Variants in PLS1 observed in about 807,000 individuals in gnomAD.
The protein encoded by PLS1 is plastin 1.
In PLS1, 32 loss-of-function variants were observed where a neutral mutation model predicts 73.7. That is an observed-to-expected ratio of 0.43 (90% CI 0.33 to 0.58). The LOEUF (loss-of-function observed/expected upper bound fraction) is 0.58. PLS1 is among the 20% of genes least tolerant of loss of function. The probability of loss-of-function intolerance (pLI) is 0.04; values close to 1 mark genes in which losing one functional copy is unlikely to be tolerated. For missense variants in PLS1, 633 were observed against 740.5 expected (o/e 0.85, Z 1.68); for synonymous variants, 217 against 261.3 (o/e 0.83, Z 1.63).
chr3:142,609,730 A>G (rs754316389), intron 1 of PLS1, among the ~76,000 whole-genome samples: 3 of 152,228 alleles, frequency 2.0e-5, no homozygotes, highest in Non-Finnish European at 4.4e-5. Context: ...AACATTTGCA[A>G]TAATTTATGT....
Position 142,712,355 on chromosome 3 carries a change from A to C in PLS1, c.*348A>C. 1 of 174,030 alleles carries C rather than the reference A, an allele frequency of 5.7e-6. No homozygotes were observed. Among genetic ancestry groups the C allele is most frequent in the East Asian group, 1.5e-4 (1 of 6,612 alleles). The allele number at this position is 174,030 out of a possible 1,614,324, so 10.8% of individuals were successfully genotyped here. A position where few individuals can be genotyped will look rare whatever the true frequency, so the allele number is the denominator to read the frequency against. On this transcript the variant is annotated 3_prime_UTR_variant, in exon 16 of 16. Coordinates refer to ENST00000457734, the MANE Select transcript of PLS1 (RefSeq NM_001145319.2). ...AAACGTTTTTGCAGGTTCTGCTGTG[A>C]AATGTGGTTTGATTTTTTTGGTGTG...
At chr3:142,704,142 GTTGA>G in intron 13 of PLS1, 141 bp downstream of exon 13, 1 of 638,176 alleles carries the variant, frequency 1.6e-6, no homozygotes, top group Non-Finnish European at 2.5e-6. Flanking sequence ...AGGATTTACT[GTTGA>G]TTATGGTTTT....
intron 12 of PLS1, among the ~76,000 whole-genome samples, chr3:142,700,404 G>A (rs1364354260): frequency 6.6e-6 from 1 of 151,916 alleles, no homozygotes; most frequent in Non-Finnish European, 1.5e-5. Context: ...CTAACTGCAA[G>A]CTCTGCCTCC....
Position 142,686,675 on chromosome 3 carries a change from A to G in PLS1, c.981+299A>G, listed in dbSNP as rs966055000. The stretch of plus-strand genomic sequence containing the variant: ...AGTCAAATTTAGAGTACAGTTCTCT[A>G]CAAGCAGCATTCCCCAGTAGAGCCC... On this transcript the variant is annotated intron_variant, in intron 9 of 15. Transcript: ENST00000457734. Among the ~76,000 whole-genome samples the G allele has an allele frequency of 9.9e-5, 15 of 152,148 alleles. No individual in the cohort carries two copies. In the South Asian group the frequency reaches 3.1e-3, roughly 31 times the overall value.
At chr3:142,634,512 GA>G (rs2036634876) in intron 1 of PLS1, among the ~76,000 whole-genome samples, 1 of 152,136 alleles carries the variant, frequency 6.6e-6, no homozygotes, top group African/African-American at 2.4e-5. Context: ...TGTACTTGTG[GA>G]TTTGTCTATT....
At position 142,639,157 on chromosome 3, in the gene PLS1, T is replaced by A. The variant is rs531601338; in HGVS notation, c.-36-25045T>A. ...CATTTAAGGCTGAGCTCAGTTGTCA[T>A]CCCTGTGTGGTAGCAGTACGTTTTC... On this transcript the variant is annotated intron_variant, in intron 1 of 15. Transcript: ENST00000457734. 2.0e-5 allele frequency among the ~76,000 whole-genome samples: 3 copies of A among 152,332 alleles called. No homozygotes were observed. In the South Asian group the frequency reaches 6.2e-4, roughly 32 times the overall value.
intron 1 of PLS1, among the ~76,000 whole-genome samples, chr3:142,642,306 G>A (rs2036859467): frequency 6.6e-6 from 1 of 152,026 alleles, no homozygotes; most frequent in Non-Finnish European, 1.5e-5. Flanking sequence ...CTTTTATTGG[G>A]AGATTTACCA....
chr3:142,651,474 A>C (rs961429952), intron 1 of PLS1, among the ~76,000 whole-genome samples: 7 of 151,298 alleles, frequency 4.6e-5, no homozygotes, highest in South Asian at 2.1e-4. Flanking sequence ...AAAAAAAAAA[A>C]AAAAAAAAAA....
In PLS1 at chr3:142,712,936, A is replaced by T. The variant is rs775536023; in HGVS notation, c.*929A>T. 5.9e-5 allele frequency: 9 copies of T among 152,682 alleles called. No individual in the cohort carries two copies. In the East Asian group the frequency reaches 1.7e-3, roughly 29 times the overall value. The allele number at this position is 152,682 out of a possible 1,614,324, so 9.5% of individuals were successfully genotyped here. The stretch of plus-strand genomic sequence containing the variant: ...ACCCCTTCCAAATACTTGTAGCCAA[A>T]CATTGGCTAGAACATCCCAAGATAT... On this transcript the variant is annotated 3_prime_UTR_variant, in exon 16 of 16. Transcript: ENST00000457734.
intron 1 of PLS1, among the ~76,000 whole-genome samples, chr3:142,612,077 C>T (rs543973764): frequency 3.4e-4 from 51 of 152,138 alleles, no homozygotes; most frequent in Non-Finnish European, 4.4e-4. Flanking sequence ...TTTTTTATTA[C>T]GATGTAAGAA....
chr3:142,640,630 G>A (rs2036810313), intron 1 of PLS1, among the ~76,000 whole-genome samples: 1 of 152,144 alleles, frequency 6.6e-6, no homozygotes, highest in Admixed American at 6.5e-5. Flanking sequence ...TCAGGAAAAG[G>A]GCATGTATAG....
At chr3:142,658,909 A>G (rs751777680) in intron 1 of PLS1, among the ~76,000 whole-genome samples, 1 of 152,306 alleles carries the variant, frequency 6.6e-6, no homozygotes, top group Non-Finnish European at 1.5e-5. Context: ...AGGAATGCTA[A>G]TTGAACTACA....
intron 1 of PLS1, among the ~76,000 whole-genome samples, chr3:142,640,858 A>T (rs1222029139): frequency 6.6e-6 from 1 of 152,088 alleles, no homozygotes; most frequent in African/African-American, 2.4e-5. Context: ...ATATGGGAAT[A>T]GTTAAGTGTG....
chr3:142,709,288 G>A (rs985853680), intron 14 of PLS1, among the ~76,000 whole-genome samples: 1 of 152,110 alleles, frequency 6.6e-6, no homozygotes, highest in Non-Finnish European at 1.5e-5. Flanking sequence ...TCATGTAGGT[G>A]GTCTGCAGAC....
chr3:142,629,480 C>T (rs1288038085), intron 1 of PLS1, among the ~76,000 whole-genome samples: 2 of 152,166 alleles, frequency 1.3e-5, no homozygotes, highest in Non-Finnish European at 2.9e-5. Context: ...GGTTTACAGG[C>T]GTGAGCCACT....
At chr3:142,655,371 A>C (rs1362415346) in intron 1 of PLS1, among the ~76,000 whole-genome samples, 1 of 152,176 alleles carries the variant, frequency 6.6e-6, no homozygotes, top group Non-Finnish European at 1.5e-5. Flanking sequence ...TCCCAATGTT[A>C]AAATAACAGT....
At position 142,664,306 on chromosome 3, in the gene PLS1, A is replaced by C. The variant is rs767129680; in HGVS notation, c.69A>C (p.Ile23=). 3 of 1,523,590 alleles carry C rather than the reference A, an allele frequency of 2.0e-6. No homozygotes were observed. In the East Asian group the frequency reaches 6.8e-5, roughly 34 times the overall value. 94.4% of individuals were successfully genotyped at this position (1,523,590 alleles called of 1,614,324 possible). A position where few individuals can be genotyped will look rare whatever the true frequency, so the allele number is the denominator to read the frequency against. ...LEELQEAFNK[I]DIDNSGYVSD... ...AACTACAAGAGGCATTTAATAAAAT[A>C]GGTATGCTTGAGAAAAAGTAAATAT... Residue 23 remains isoleucine, a splice_region_variant and synonymous_variant, in exon 2 of 16, where the codon ATA becomes ATC. Coordinates refer to ENST00000457734, the MANE Select transcript of PLS1 (RefSeq NM_001145319.2).
At chr3:142,660,071 A>G (rs1404505460) in intron 1 of PLS1, among the ~76,000 whole-genome samples, 3 of 152,286 alleles carry the variant, frequency 2.0e-5, no homozygotes, top group East Asian at 1.9e-4. Context: ...TTCTTCCTTG[A>G]GCCTTTTAAA....
intron 1 of PLS1, among the ~76,000 whole-genome samples, chr3:142,600,881 T>C (rs1298981984): frequency 1.1e-4 from 2 of 17,474 alleles, no homozygotes; most frequent in African/African-American, 6.2e-4. Context: ...TGGTTTCATA[T>C]ATATATATAT....
Sources: allele counts gnomAD v4.1 joint callset (sites outside exome capture counted in the v4.1 genomes callset), GRCh38; gene constraint gnomAD v4.1.1; transcripts MANE v1.5; gene names NCBI Gene and HGNC (gene_info 2026-07-23, HGNC 2026-07-21).